Variants in GGA2 observed in about 807,000 individuals in gnomAD.
GGA2 encodes golgi associated, gamma adaptin ear containing, ARF binding protein 2.
Under a neutral mutation model 79.5 loss-of-function variants are expected in GGA2, and 48 were observed. That is an observed-to-expected ratio of 0.60 (90% CI 0.48 to 0.77). The LOEUF is 0.77. Among genes scored for constraint, GGA2 ranks in the 30% least tolerant of loss-of-function variants. GGA2 has a pLI of 0.00. For missense variants in GGA2, 770 were observed against 774.0 expected, an observed-to-expected ratio of 0.99 and a Z score of 0.06; for synonymous variants, 317 against 302.0, an observed-to-expected ratio of 1.05 and a Z score of -0.51.
chr16:23,486,003 C>T lies in GGA2; in HGVS notation c.798+12G>A. On this transcript the variant is annotated intron_variant, in intron 8 of 16. Transcript: ENST00000309859. Reference sequence around the variant, plus strand: ...TAAACATGTGCAGCCCCCTGTGTTACACCTGTATTACCTGCAGGGCCTCCT... The same window carrying T: ...TAAACATGTGCAGCCCCCTGTGTTATACCTGTATTACCTGCAGGGCCTCCT... 1.9e-6 allele frequency: 3 copies of T among 1,612,770 alleles called. No homozygotes were observed. The highest frequency in any genetic ancestry group is 1.7e-6 in the Non-Finnish European group (2 of 1,179,228).
chr16:23,487,028 C>A (rs1964723823), intron 6 of GGA2, among the ~76,000 whole-genome samples: 1 of 143,604 alleles, frequency 7.0e-6, no homozygotes, highest in African/African-American at 2.6e-5. Flanking sequence ...TGTTGCCAGG[C>A]TGGAGTGCAG....
upstream of GGA2, chr16:23,523,800 G>A (rs903439779): frequency 2.7e-5 from 4 of 146,568 alleles, no homozygotes; most frequent in Non-Finnish European, 6.0e-5. Flanking sequence ...TCCAACTGGT[G>A]TTCTTAGAAG....
chr16:23,518,247 C>T (rs1965115228), intron 2 of GGA2, among the ~76,000 whole-genome samples: 1 of 152,098 alleles, frequency 6.6e-6, no homozygotes, highest in African/African-American at 2.4e-5. Context: ...CTCACTCTGT[C>T]ACCAGGGATG....
chr16:23,510,657 C>T (rs1345746136), upstream of GGA2, among the ~76,000 whole-genome samples: 1 of 152,226 alleles, frequency 6.6e-6, no homozygotes, highest in South Asian at 2.1e-4. Flanking sequence ...AGATAAAATA[C>T]AAGACGCCCA....
upstream of GGA2, among the ~76,000 whole-genome samples, chr16:23,511,055 G>A (rs1015270267): frequency 1.4e-5 from 2 of 140,088 alleles, no homozygotes; most frequent in Non-Finnish European, 3.1e-5. Flanking sequence ...GTGTGTTAGA[G>A]ACTGGGTTTC....
chr16:23,510,226 G>T, intron 1 of GGA2, 95 bp downstream of exon 1: 1 of 771,868 alleles, frequency 1.3e-6, no homozygotes, highest in Non-Finnish European at 1.8e-6. Flanking sequence ...GGCCTCCCCT[G>T]CGGCCGCCCG....
intron 14 of GGA2, among the ~76,000 whole-genome samples, chr16:23,472,892 G>T (rs772799908): frequency 2.6e-5 from 4 of 151,422 alleles, no homozygotes; most frequent in Non-Finnish European, 5.9e-5. Flanking sequence ...AAAGTAGCTG[G>T]GCGTGGTTGT....
At chr16:23,506,692 G>A (rs533523092) in intron 1 of GGA2, among the ~76,000 whole-genome samples, 4 of 152,098 alleles carry the variant, frequency 2.6e-5, no homozygotes, top group East Asian at 1.9e-4. Flanking sequence ...CTCTCCGTCC[G>A]GGTGGGCCCA....
At chr16:23,478,811 C>G (rs1180496460) in intron 12 of GGA2, 72 bp downstream of exon 12, 2 of 1,061,480 alleles carry the variant, frequency 1.9e-6, no homozygotes, top group African/African-American at 1.6e-5. Flanking sequence ...GCTCGCCAGG[C>G]AGTGCTGCCT....
At chr16:23,504,083 A>G (rs79827089) in intron 1 of GGA2, among the ~76,000 whole-genome samples, 1 of 146,812 alleles carries the variant, frequency 6.8e-6, no homozygotes, top group East Asian at 2.0e-4. Flanking sequence ...CTCCGTCTCA[A>G]AAAAAAAAAA....
upstream of GGA2, chr16:23,523,331 C>G (rs1159848265): frequency 6.6e-6 from 1 of 152,080 alleles, no homozygotes; most frequent in African/African-American, 2.4e-5. Flanking sequence ...ACTTATAAGT[C>G]ATGGAGGAAG....
chr16:23,473,017 C>A, intron 14 of GGA2, among the ~76,000 whole-genome samples: 1 of 116,034 alleles, frequency 8.6e-6, no homozygotes, highest in African/African-American at 3.3e-5. Flanking sequence ...TGGGTGACAG[C>A]GAGACTCTGT....
chr16:23,478,068 G>A (rs556395095), intron 13 of GGA2, among the ~76,000 whole-genome samples: 55 of 149,998 alleles, frequency 3.7e-4, no homozygotes, highest in Middle Eastern at 3.6e-3. Flanking sequence ...GCATGGTGGC[G>A]CGTGCCTGTA....
Position 23,464,747 on chromosome 16 carries a change from T to C in GGA2, c.*2843A>G, listed in dbSNP as rs1964413108. 1 of 153,356 alleles carries C rather than the reference T, an allele frequency of 6.5e-6. No homozygotes were observed. The highest frequency in any genetic ancestry group is 2.4e-5 in the African/African-American group (1 of 41,420). The allele number at this position is 153,356 out of a possible 1,614,324, so 9.5% of individuals were successfully genotyped here. A position where few individuals can be genotyped will look rare whatever the true frequency, so the allele number is the denominator to read the frequency against. ...AGGTGGAAAGGGGCAGGACTCTGGG[T>C]TCCATTCTAAGTAACTGAGACTGAA... On this transcript the variant is annotated 3_prime_UTR_variant, in exon 17 of 17. Coordinates refer to ENST00000309859, the MANE Select transcript of GGA2 (RefSeq NM_015044.4).
intron 1 of GGA2, among the ~76,000 whole-genome samples, chr16:23,520,822 T>C (rs1965136224): frequency 1.3e-5 from 2 of 152,166 alleles, no homozygotes; most frequent in African/African-American, 4.8e-5. Flanking sequence ...AGAGTGTCGC[T>C]CTGTTCCCCA....
intron 8 of GGA2, among the ~76,000 whole-genome samples, chr16:23,483,272 C>G (rs977649834): frequency 4.6e-5 from 7 of 152,114 alleles, no homozygotes; most frequent in African/African-American, 1.7e-4. Context: ...TTTAGGAGAC[C>G]AAGGTGGGCT....
intron 1 of GGA2, among the ~76,000 whole-genome samples, chr16:23,506,302 C>T (rs1011371692): frequency 6.6e-6 from 1 of 152,068 alleles, no homozygotes; most frequent in African/African-American, 2.4e-5. Context: ...CACCAATGGC[C>T]CACCATCCCC....
At chr16:23,478,602 G>T (rs767734318) in intron 12 of GGA2, 101 bp from the exon 13 acceptor site, 72 of 1,135,818 alleles carry the variant, frequency 6.3e-5, no homozygotes, top group Non-Finnish European at 6.0e-5. Flanking sequence ...AAGCTGCTGT[G>T]GCCCAGACTG....
At chr16:23,478,713 C>T (rs954132228) in intron 12 of GGA2, 170 bp downstream of exon 12, 8 of 734,996 alleles carry the variant, frequency 1.1e-5, no homozygotes, top group Admixed American at 2.0e-5. Flanking sequence ...CTGTCTCCCC[C>T]AGGTATCAGC....
Sources: gnomAD v4.1 joint callset for allele counts (sites outside exome capture counted in the v4.1 genomes callset) on GRCh38, gnomAD v4.1.1 for gene constraint, MANE v1.5 for transcripts, NCBI Gene and HGNC (gene_info 2026-07-23, HGNC 2026-07-21) for gene names.